The following SNRPD3 variants were observed in gnomAD, a reference collection of about 807,000 sequenced individuals.
The protein encoded by SNRPD3 is small nuclear ribonucleoprotein D3 polypeptide.
For synonymous variants in SNRPD3, 66 were observed against 58.4 expected (o/e 1.13, Z -0.59); for missense variants, 73 against 167.5 (o/e 0.44, Z 3.11).
chr22:24,562,417 G>A (rs1020543974), intron 2 of SNRPD3, among the ~76,000 whole-genome samples: 4 of 152,088 alleles, frequency 2.6e-5, no homozygotes, highest in Admixed American at 6.6e-5. Flanking sequence ...GGTGGCGGGC[G>A]CCTGTAGTCC....
chr22:24,560,879 GC>G (rs1480679104), intron 2 of SNRPD3, among the ~76,000 whole-genome samples: 1 of 150,892 alleles, frequency 6.6e-6, no homozygotes, highest in Non-Finnish European at 1.5e-5. Flanking sequence ...ATAGGCATGG[GC>G]CACCGTACCC....
intron 2 of SNRPD3, among the ~76,000 whole-genome samples, chr22:24,561,064 CTTTTTTT>C (rs1164120857): frequency 2.4e-4 from 15 of 61,690 alleles, no homozygotes; most frequent in Admixed American, 8.8e-4. Flanking sequence ...TTTTTCTTTT[CTTTTTTT>C]TTTTTTTTTT....
At chr22:24,562,593 C>T (rs2045154099) in intron 2 of SNRPD3, among the ~76,000 whole-genome samples, 1 of 151,862 alleles carries the variant, frequency 6.6e-6, no homozygotes, top group African/African-American at 2.4e-5. Flanking sequence ...GCCTGTAGTC[C>T]CAGCTACTCC....
chr22:24,571,992 C>A lies in SNRPD3; in HGVS notation c.*15C>A, dbSNP rs1421333189. On this transcript the variant is annotated 3_prime_UTR_variant, in exon 4 of 4. Coordinates refer to ENST00000215829, the MANE Select transcript of SNRPD3 (RefSeq NM_004175.5). ...AGCGAAGATAATTTTCTAAGTTGAA[C>A]AGAACTTTGTCCTTTTTTCTTTCAG... The A allele has an allele frequency of 1.2e-6, 2 of 1,613,686 alleles. No homozygotes were observed. The highest frequency in any genetic ancestry group is 1.7e-6 in the Non-Finnish European group (2 of 1,179,598).
At chr22:24,558,401 A>G (rs1259402435) in intron 2 of SNRPD3, among the ~76,000 whole-genome samples, 1 of 152,176 alleles carries the variant, frequency 6.6e-6, no homozygotes, top group East Asian at 1.9e-4. Context: ...ATTGTTTTTC[A>G]GTTGTATCTT....
In SNRPD3 at chr22:24,565,785, C is replaced by T. The variant is rs1346181069; in HGVS notation, c.127-2199C>T. Among the ~76,000 whole-genome samples the T allele has an allele frequency of 2.0e-5, 3 of 152,188 alleles. No individual in the cohort carries two copies. The East Asian group carries it at 5.8e-4, about 29-fold the overall frequency. ...AAGTGATTCTCCTGCCTCAGCCTCCCGAGTAGGTGGGACTACAGGCACCTG... is the reference window on the plus strand; with the variant it reads ...AAGTGATTCTCCTGCCTCAGCCTCCTGAGTAGGTGGGACTACAGGCACCTG... On this transcript the variant is annotated intron_variant, in intron 2 of 3. Coordinates refer to ENST00000215829, the MANE Select transcript of SNRPD3 (RefSeq NM_004175.5).
At chr22:24,569,044 G>T (rs930519624) in intron 3 of SNRPD3, among the ~76,000 whole-genome samples, 2 of 152,094 alleles carry the variant, frequency 1.3e-5, no homozygotes, top group African/African-American at 4.8e-5. Flanking sequence ...TGTGAGAGGT[G>T]TGGGATCGCT....
chr22:24,567,868 C>T, intron 2 of SNRPD3, 116 bp from the exon 3 acceptor site: 1 of 742,076 alleles, frequency 1.3e-6, no homozygotes, highest in Non-Finnish European at 2.3e-6. Flanking sequence ...GGGTAATTCA[C>T]CAGCTTTGTC....
Position 24,557,618 on chromosome 22 carries a change from C to G in SNRPD3, c.-18-39C>G, listed in dbSNP as rs560857558. 9.8e-6 allele frequency: 15 copies of G among 1,533,748 alleles called. No individual in the cohort carries two copies. In the African/African-American group the frequency reaches 1.6e-4, roughly 17 times the overall value. ...GATGTGTGCCACATGCCTTTTCAGA[C>G]TCTGAAAGATGAACTGACTGTTGTC... On this transcript the variant is annotated intron_variant, in intron 1 of 3. Coordinates refer to ENST00000215829, the MANE Select transcript of SNRPD3 (RefSeq NM_004175.5).
Position 24,572,892 on chromosome 22 carries a change from T to G in SNRPD3, c.*915T>G, listed in dbSNP as rs369742570. The G allele has an allele frequency of 1.3e-5, 2 of 152,286 alleles. No individual in the cohort carries two copies. The highest frequency in any genetic ancestry group is 4.8e-5 in the African/African-American group (2 of 41,422). The allele number at this position is 152,286 out of a possible 1,614,324, so 9.4% of individuals were successfully genotyped here. A position where few individuals can be genotyped will look rare whatever the true frequency, so the allele number is the denominator to read the frequency against. The stretch of plus-strand genomic sequence containing the variant: ...GCATATCAGAGCATCTCAGCATTGA[T>G]TGGCACATCCATAGTTGTTAATGTA... On this transcript the variant is annotated 3_prime_UTR_variant, in exon 4 of 4. Transcript: ENST00000215829.
At chr22:24,557,919 C>A in intron 2 of SNRPD3, 119 bp downstream of exon 2, 1 of 957,144 alleles carries the variant, frequency 1.0e-6, no homozygotes, top group Non-Finnish European at 1.5e-6. Context: ...TTCCTAAGTG[C>A]CTAATGCATA....
intron 2 of SNRPD3, 178 bp downstream of exon 2, chr22:24,557,978 A>C: frequency 2.0e-6 from 1 of 493,078 alleles, no homozygotes; most frequent in Non-Finnish European, 3.4e-6. Flanking sequence ...TGAACGAGAC[A>C]CATAATCTTG....
chr22:24,572,079 TC>T lies in SNRPD3; in HGVS notation c.*103del. ...TATGCTAGGTATCTTTTGCCATCTT[TC>T]TCTTTAGATCAGGGGAAATGTTTAA... On this transcript the variant is annotated 3_prime_UTR_variant, in exon 4 of 4. Coordinates refer to ENST00000215829, the MANE Select transcript of SNRPD3 (RefSeq NM_004175.5). 1 of 1,562,692 alleles carries T rather than the reference TC, an allele frequency of 6.4e-7. No homozygotes were observed. Among genetic ancestry groups the T allele is most frequent in the Non-Finnish European group, 8.7e-7 (1 of 1,151,450 alleles).
intron 1 of SNRPD3, 88 bp from the exon 2 acceptor site, chr22:24,557,569 A>G: frequency 1.2e-6 from 1 of 863,362 alleles, no homozygotes. Flanking sequence ...AGTTTTATGG[A>G]GTGCCAGGCC....
intron 2 of SNRPD3, among the ~76,000 whole-genome samples, chr22:24,564,325 C>G (rs1254258959): frequency 6.6e-6 from 1 of 152,234 alleles, no homozygotes; most frequent in African/African-American, 2.4e-5. Flanking sequence ...AAGATTCTCT[C>G]TCTCCCCCTC....
intron 2 of SNRPD3, 191 bp downstream of exon 2, chr22:24,557,991 G>T: frequency 4.4e-6 from 2 of 453,978 alleles, no homozygotes; most frequent in South Asian, 9.3e-5. Context: ...TAATCTTGAG[G>T]CAGAAAAGCC....
In SNRPD3 at chr22:24,556,035, G is replaced by A. The variant is rs2045055981; in HGVS notation, c.-55G>A. On this transcript the variant is annotated 5_prime_UTR_variant, in exon 1 of 4. Coordinates refer to ENST00000215829, the MANE Select transcript of SNRPD3 (RefSeq NM_004175.5). The stretch of plus-strand genomic sequence containing the variant: ...TCACGCCTTCGCCGTAGCATCTTTC[G>A]CAGCGGACCGAAGAGAAGAAAAGTA... 4 of 624,868 alleles carry A rather than the reference G, an allele frequency of 6.4e-6. No homozygotes were observed. Among genetic ancestry groups the A allele is most frequent in the Non-Finnish European group, 1.1e-5 (4 of 359,094 alleles). 38.7% of individuals were successfully genotyped at this position (624,868 alleles called of 1,614,324 possible). A position where few individuals can be genotyped will look rare whatever the true frequency, so the allele number is the denominator to read the frequency against.
intron 2 of SNRPD3, among the ~76,000 whole-genome samples, chr22:24,561,149 G>A (rs138742711): frequency 7.5e-5 from 11 of 145,924 alleles, no homozygotes; most frequent in African/African-American, 2.3e-4. Flanking sequence ...ATAGCTCATG[G>A]GCAGCCTTGG....
chr22:24,558,670 A>T (rs776460913), intron 2 of SNRPD3, among the ~76,000 whole-genome samples: 1 of 152,216 alleles, frequency 6.6e-6, no homozygotes, highest in African/African-American at 2.4e-5. Flanking sequence ...TTTTCAGTCT[A>T]TGGTGCTGGT....
Sources: allele counts gnomAD v4.1 joint callset (sites outside exome capture counted in the v4.1 genomes callset), GRCh38; gene constraint gnomAD v4.1.1; transcripts MANE v1.5; gene names NCBI Gene and HGNC (gene_info 2026-07-23, HGNC 2026-07-21).